The following ADARB2 variants were observed in gnomAD, a reference collection of about 807,000 sequenced individuals.
The protein encoded by ADARB2 is inactive double-stranded RNA-specific editase B2.
A neutral mutation model predicts 62.2 loss-of-function variants in ADARB2; 25 were observed. The observed-to-expected ratio is 0.40, with a 90% CI of 0.29 to 0.56. The LOEUF (loss-of-function observed/expected upper bound fraction) is 0.56. Ranked by LOEUF, ADARB2 falls within the 20% of genes least tolerant of loss-of-function variation. ADARB2 has a pLI of 0.43. For missense variants in ADARB2, 1,071 were observed against 1,077.4 expected, an observed-to-expected ratio of 0.99 and a Z score of 0.08; for synonymous variants, 572 against 500.8, an observed-to-expected ratio of 1.14 and a Z score of -1.90.
At chr10:1,624,237 AAAAAC>A (rs570973935) in intron 1 of ADARB2, among the ~76,000 whole-genome samples, 5 of 152,130 alleles carry the variant, frequency 3.3e-5, no homozygotes, top group South Asian at 4.2e-4. Flanking sequence ...CTGTCTCGGA[AAAAAC>A]AAAACAAAAC....
intron 6 of ADARB2, among the ~76,000 whole-genome samples, chr10:1,220,346 ATTGTGG>A (rs1830682725): frequency 9.6e-6 from 1 of 103,860 alleles, no homozygotes; most frequent in African/African-American, 3.6e-5. Flanking sequence ...GATGATGGTG[ATTGTGG>A]TGATGATGGT....
intron 4 of ADARB2, among the ~76,000 whole-genome samples, chr10:1,261,135 C>A (rs1831132373): frequency 2.4e-5 from 3 of 127,390 alleles, no homozygotes; most frequent in African/African-American, 6.1e-5. Context: ...TTCCTTACAC[C>A]TTATACAAAA....
intron 3 of ADARB2, among the ~76,000 whole-genome samples, chr10:1,285,612 C>T (rs2651486): frequency 0.56 from 85,017 of 152,080 alleles, 24,103 homozygotes; most frequent in South Asian, 0.76. Context: ...TGTGCATTCC[C>T]GTGCTTAACG....
intron 1 of ADARB2, among the ~76,000 whole-genome samples, chr10:1,437,947 C>A (rs973855050): frequency 1.1e-4 from 16 of 152,356 alleles, no homozygotes; most frequent in Middle Eastern, 3.4e-3. Context: ...TGGGGTCTCA[C>A]TTCTTAGGAA....
At chr10:1,401,173 G>A (rs1421720181) in intron 1 of ADARB2, among the ~76,000 whole-genome samples, 1 of 152,176 alleles carries the variant, frequency 6.6e-6, no homozygotes, top group Non-Finnish European at 1.5e-5. Context: ...CCCACCTCCC[G>A]GATGAGAAGG....
rs112511986 is a variant in ADARB2, at chr10:1,690,882, G to A, written c.100+46169C>T. ...GACAGTCCTTTCTCCGGGGACCACC[G>A]CGGGTCTCATCAAAACGCGCATCTA... On this transcript the variant is annotated intron_variant, in intron 1 of 9. Coordinates refer to ENST00000381312, the MANE Select transcript of ADARB2 (RefSeq NM_018702.4). Among the ~76,000 whole-genome samples the A allele has an allele frequency of 5.2e-3, 789 of 152,234 alleles. 6 individuals carry two copies. The highest frequency in any genetic ancestry group is 0.018 in the African/African-American group (736 of 41,540).
intron 8 of ADARB2, among the ~76,000 whole-genome samples, chr10:1,190,286 G>A (rs140226842): frequency 8.5e-5 from 13 of 152,162 alleles, no homozygotes; most frequent in East Asian, 5.8e-4. Context: ...TCTGCAGGCC[G>A]CCCTGTGAGG....
intron 3 of ADARB2, among the ~76,000 whole-genome samples, chr10:1,289,484 C>G (rs964765276): frequency 1.3e-5 from 2 of 152,132 alleles, no homozygotes; most frequent in African/African-American, 2.4e-5. Flanking sequence ...GAGGAGGAGG[C>G]CTTCAGGGGG....
At chr10:1,394,865 C>T (rs973532710) in intron 1 of ADARB2, 4 of 457,034 alleles carry the variant, frequency 8.8e-6, no homozygotes, top group Non-Finnish European at 1.8e-5. Flanking sequence ...TCGCTGTGCA[C>T]AGGTCATTTT....
chr10:1,249,469 A>AT (rs1831016039), intron 4 of ADARB2, among the ~76,000 whole-genome samples: 1 of 151,922 alleles, frequency 6.6e-6, no homozygotes, highest in East Asian at 1.9e-4. Context: ...ATGGATTTAT[A>AT]TGCAACACAA....
At chr10:1,304,548 C>T (rs1255716689) in intron 3 of ADARB2, among the ~76,000 whole-genome samples, 1 of 152,168 alleles carries the variant, frequency 6.6e-6, no homozygotes, top group African/African-American at 2.4e-5. Flanking sequence ...ACAGAACTCT[C>T]CACCCCAAAT....
Position 1,590,821 on chromosome 10 carries a change from T to C in ADARB2, c.100+146230A>G, listed in dbSNP as rs112637011. Among the ~76,000 whole-genome samples, 430 of 152,226 alleles carry C rather than the reference T, an allele frequency of 2.8e-3. 4 individuals carry two copies. The highest frequency in any genetic ancestry group is 9.9e-3 in the African/African-American group (410 of 41,528). ...ATGGGAGGAGTGCCTTCTGGAGACCTGATGCTCAGCACGGGAAACGCAGTC... is the reference window on the plus strand; with the variant it reads ...ATGGGAGGAGTGCCTTCTGGAGACCCGATGCTCAGCACGGGAAACGCAGTC... On this transcript the variant is annotated intron_variant, in intron 1 of 9. Transcript: ENST00000381312.
At chr10:1,560,702 C>T (rs1022543105) in intron 1 of ADARB2, among the ~76,000 whole-genome samples, 5 of 149,434 alleles carry the variant, frequency 3.3e-5, no homozygotes, top group Admixed American at 6.7e-5. Flanking sequence ...GCCACACTCT[C>T]GCCCAGGCAG....
At chr10:1,664,731 G>T (rs1834293228) in intron 1 of ADARB2, among the ~76,000 whole-genome samples, 1 of 152,190 alleles carries the variant, frequency 6.6e-6, no homozygotes, top group Non-Finnish European at 1.5e-5. Flanking sequence ...ATCACAGTCA[G>T]CAGACGGCAA....
At chr10:1,414,388 G>A (rs965771992) in intron 1 of ADARB2, among the ~76,000 whole-genome samples, 26 of 152,190 alleles carry the variant, frequency 1.7e-4, no homozygotes, top group African/African-American at 5.3e-4. Context: ...CTGACGTACC[G>A]TAATCTAAGC....
chr10:1,518,713 C>CGT lies in ADARB2; in HGVS notation c.101-139555_101-139554dup, dbSNP rs1357415680. 2.0e-4 allele frequency among the ~76,000 whole-genome samples: 30 copies of CGT among 152,094 alleles called. 1 individual carries two copies. Among genetic ancestry groups the CGT allele is most frequent in the Non-Finnish European group, 1.3e-4 (9 of 68,014 alleles). Reference sequence around the variant, plus strand: ...ACAAAGTGGTCATACGCATTCATTCCGTGTAATGTCTGCATGTGATATTGT... The same window carrying CGT: ...ACAAAGTGGTCATACGCATTCATTCCGTGTGTAATGTCTGCATGTGATATTGT... On this transcript the variant is annotated intron_variant, in intron 1 of 9. Coordinates refer to ENST00000381312, the MANE Select transcript of ADARB2 (RefSeq NM_018702.4).
intron 4 of ADARB2, among the ~76,000 whole-genome samples, chr10:1,270,664 A>T (rs1261150852): frequency 6.6e-6 from 1 of 152,170 alleles, no homozygotes; most frequent in African/African-American, 2.4e-5. Flanking sequence ...AGAGGAACTT[A>T]GGACTCTCAG....
intron 6 of ADARB2, among the ~76,000 whole-genome samples, chr10:1,229,915 G>C (rs1311783725): frequency 6.6e-6 from 1 of 152,074 alleles, no homozygotes. Flanking sequence ...GTTGAGAGAG[G>C]GGCTAGCAGG....
At chr10:1,606,862 C>A (rs541596442) in intron 1 of ADARB2, among the ~76,000 whole-genome samples, 7 of 152,170 alleles carry the variant, frequency 4.6e-5, no homozygotes, top group Non-Finnish European at 5.9e-5. Context: ...CTGAGGTTCA[C>A]ATTACCCCAG....
Sources: allele counts gnomAD v4.1 joint callset (sites outside exome capture counted in the v4.1 genomes callset), GRCh38; gene constraint gnomAD v4.1.1; transcripts MANE v1.5; gene names NCBI Gene and HGNC (gene_info 2026-07-23, HGNC 2026-07-21).